AIFM3: variants seen among roughly 807,000 people sequenced by gnomAD.
AIFM3 encodes the protein AIF family member 3, also known as apoptosis-inducing factor 3.
A neutral mutation model predicts 82.7 loss-of-function variants in AIFM3; 71 were observed. The observed-to-expected ratio is 0.86, with a 90% confidence interval of 0.71 to 1.05. The LOEUF (loss-of-function observed/expected upper bound fraction) is 1.05, where lower values mean the gene tolerates loss of function less well. Among genes scored for constraint, AIFM3 ranks in the 50% least tolerant of loss-of-function variants. AIFM3 has a pLI of 0.00. For missense variants in AIFM3, 748 were observed against 816.7 expected, an observed-to-expected ratio of 0.92 and a Z score of 1.03; for synonymous variants, 337 against 329.1, an observed-to-expected ratio of 1.02 and a Z score of -0.26.
intron 20 of AIFM3, 66 bp downstream of exon 20, chr22:20,980,833 T>C (rs553121205): frequency 6.2e-7 from 1 of 1,606,236 alleles, no homozygotes; most frequent in Non-Finnish European, 8.5e-7. Context: ...CTCCACCCAA[T>C]GGTCTTATCT....
Position 20,976,223 on chromosome 22 carries a change from A to T in AIFM3, c.816A>T (p.Thr272=). The part of the protein sequence containing the change: ...IEVLTEAQVV[T]VDVRTKKVVF... ...CCTGGTGGGGATTGCAGGTGGTCAC[A>T]GTGGACGTGAGAACTAAGAAGGTCG... The change falls in exon 10 of 21, where the codon ACA becomes ACT. Residue 272 remains threonine, a synonymous_variant. Transcript: ENST00000440238. The T allele has an allele frequency of 1.2e-6, 2 of 1,613,384 alleles. No individual in the cohort carries two copies. Among genetic ancestry groups the T allele is most frequent in the Non-Finnish European group, 8.5e-7 (1 of 1,179,792 alleles).
At chr22:20,978,746 C>A (rs1923859714) in intron 16 of AIFM3, among the ~76,000 whole-genome samples, 1 of 151,938 alleles carries the variant, frequency 6.6e-6, no homozygotes, top group African/African-American at 2.4e-5. Flanking sequence ...TGTAAGTAAC[C>A]AAGGCAACTT....
At chr22:20,972,187 C>T (rs888729888) in intron 2 of AIFM3, among the ~76,000 whole-genome samples, 11 of 152,192 alleles carry the variant, frequency 7.2e-5, no homozygotes, top group Admixed American at 3.9e-4. Context: ...GGTGGATCAC[C>T]TGAGGTCAGG....
upstream of AIFM3, chr22:20,966,876 G>C (rs1256016548): frequency 6.6e-6 from 1 of 152,642 alleles, no homozygotes; most frequent in African/African-American, 2.4e-5. Context: ...GAGGCCACAG[G>C]GATGCCCCTG....
At chr22:20,967,347 G>A (rs1922954926) in intron 1 of AIFM3, 44 bp downstream of exon 1, 1 of 153,396 alleles carries the variant, frequency 6.5e-6, no homozygotes, top group Non-Finnish European at 1.5e-5. Context: ...GGGCTAGGGG[G>A]AGCCTGATGT....
rs569481399 is a variant in AIFM3, at chr22:20,979,290, C to A, written c.1497C>A (p.Asn499Lys). 3.2e-6 allele frequency: 5 copies of A among 1,558,520 alleles called. No homozygotes were observed. Among genetic ancestry groups the A allele is most frequent in the Non-Finnish European group, 4.3e-6 (5 of 1,150,732 alleles). Residue 499 changes from asparagine (N) to lysine (K), a missense_variant, in exon 17 of 21, where the codon AAC (asparagine) becomes AAA (lysine). This residue lies in a region of AIFM3 where 183 missense variants were observed against 158.2 expected (regional missense o/e 1.16). Transcript: ENST00000440238. ...CCGCAGGGCGCGTGGCAGCCCAGAA[C>A]ATGTTGGCGCAGGAGGCGGAGATGA... ...AHAQGRVAAQ[N>K]MLAQEAEMST...
chr22:20,977,557 A>C (rs764712590), intron 14 of AIFM3, 143 bp from the exon 15 acceptor site: 4 of 946,912 alleles, frequency 4.2e-6, no homozygotes, highest in Non-Finnish European at 6.6e-6. Flanking sequence ...GGTAGTGGGG[A>C]CCAGGGTGCA....
intron 16 of AIFM3, among the ~76,000 whole-genome samples, chr22:20,978,953 G>A (rs1299598247): frequency 6.6e-6 from 1 of 151,992 alleles, no homozygotes; most frequent in African/African-American, 2.4e-5. Flanking sequence ...GACCTGATAC[G>A]TCTGATTAGG....
chr22:20,979,659 C>G lies in AIFM3; in HGVS notation c.1609C>G (p.Gln537Glu). Reference protein sequence around the residue: ...YGEGFDDVIIQGDLEELKFVA... With the variant: ...YGEGFDDVIIEGDLEELKFVA... Reference sequence around the variant, plus strand: ...AGAAGGCTTCGACGACGTCATCATCCAGGGGGATCTGGAGGAGCTGAAGTT... The same window carrying G: ...AGAAGGCTTCGACGACGTCATCATCGAGGGGGATCTGGAGGAGCTGAAGTT... The change falls in exon 18 of 21, where the codon CAG (glutamine) becomes GAG (glutamate). Residue 537 changes from glutamine (Q) to glutamate (E), a missense_variant. Physicochemically the swap from Gln to Glu is conservative, Grantham distance 29 (BLOSUM62 2). This residue lies in a region of AIFM3 where 183 missense variants were observed against 158.2 expected (regional missense o/e 1.16). Transcript: ENST00000440238. The G allele has an allele frequency of 6.2e-7, 1 of 1,614,236 alleles. No individual in the cohort carries two copies. The highest frequency in any genetic ancestry group is 2.2e-5 in the East Asian group (1 of 44,888).
Position 20,967,953 on chromosome 22 carries a change from C to T in AIFM3, c.9C>T (p.Gly3=), listed in dbSNP as rs1433593998. 6.2e-7 allele frequency: 1 copy of T among 1,614,010 alleles called. No individual in the cohort carries two copies. The highest frequency in any genetic ancestry group is 2.2e-5 in the East Asian group (1 of 44,884). Residue 3 remains glycine (G), a synonymous_variant, in exon 2 of 21, where the codon GGC becomes GGT. Transcript: ENST00000440238. The part of the protein sequence containing the change: MG[G]CFSKPKPVEL... ...TCCTCAGGCCACTCGCCATGGGCGGCTGCTTCTCCAAACCCAAACCAGGTA... is the reference window on the plus strand; with the variant it reads ...TCCTCAGGCCACTCGCCATGGGCGGTTGCTTCTCCAAACCCAAACCAGGTA...
rs1240998356 is a variant in AIFM3, at chr22:20,967,309, T to C, written c.-141+6T>C. On this transcript the variant is annotated splice_donor_region_variant and intron_variant, in intron 1 of 20. Coordinates refer to ENST00000440238, the MANE Select transcript of AIFM3 (RefSeq NM_001386814.1). ...AGTGGCTGCCCTGCGAGGAGGTGGG[T>C]GTCCGGAGTGCTAGCCAGGGTGGGG... 1 of 152,136 alleles carries C rather than the reference T, an allele frequency of 6.6e-6. No homozygotes were observed. Among genetic ancestry groups the C allele is most frequent in the Non-Finnish European group, 1.5e-5 (1 of 68,228 alleles). 9.4% of individuals were successfully genotyped at this position (152,136 alleles called of 1,614,324 possible).
At chr22:20,979,898 G>A (rs1195472042) in intron 18 of AIFM3, 122 bp from the exon 19 acceptor site, 1 of 1,138,768 alleles carries the variant, frequency 8.8e-7, no homozygotes, top group African/African-American at 1.5e-5. Context: ...GGGTGCTCAG[G>A]CCATTCTTGT....
intron 19 of AIFM3, 175 bp from the exon 20 acceptor site, chr22:20,980,572 A>T: frequency 1.3e-6 from 1 of 762,872 alleles, no homozygotes; most frequent in Non-Finnish European, 2.3e-6. Flanking sequence ...TGTCAATGAG[A>T]TTCACCCTCT....
At chr22:20,975,951 A>G (rs1923619559) in intron 9 of AIFM3, among the ~76,000 whole-genome samples, 173 bp downstream of exon 9, 1 of 152,224 alleles carries the variant, frequency 6.6e-6, no homozygotes. Flanking sequence ...GATGGGTCAT[A>G]GGCACACACA....
At chr22:20,978,737 G>T (rs1211425976) in intron 16 of AIFM3, among the ~76,000 whole-genome samples, 2 of 152,008 alleles carry the variant, frequency 1.3e-5, no homozygotes, top group Admixed American at 1.3e-4. Context: ...TTGCTAGGTT[G>T]TAAGTAACCA....
chr22:20,976,067 A>G lies in AIFM3; in HGVS notation c.808-148A>G. 3.3e-6 allele frequency: 3 copies of G among 897,212 alleles called. No homozygotes were observed. In the South Asian group the frequency reaches 4.8e-5, roughly 14 times the overall value. The allele number at this position is 897,212 out of a possible 1,614,324, so 55.6% of individuals were successfully genotyped here. A position where few individuals can be genotyped will look rare whatever the true frequency, so the allele number is the denominator to read the frequency against. On this transcript the variant is annotated intron_variant, in intron 9 of 20. Coordinates refer to ENST00000440238, the MANE Select transcript of AIFM3 (RefSeq NM_001386814.1). ...GAGGGGAAGGTGATGTCTGAAGCGT[A>G]AAGAATGAAGCCCAGGTGGCAGGAT... is the stretch of plus-strand genomic sequence containing the variant.
At chr22:20,974,891 C>T (rs988701054) in intron 8 of AIFM3, 75 bp downstream of exon 8, 1 of 1,488,884 alleles carries the variant, frequency 6.7e-7, no homozygotes. Context: ...TTGCTTGTCA[C>T]CCCATTGGGG....
rs150768856 is a variant in AIFM3, at chr22:20,980,038, C to A, written c.1671C>A (p.Ala557=). 1 of 1,611,182 alleles carries A rather than the reference C, an allele frequency of 6.2e-7. No individual in the cohort carries two copies. Among genetic ancestry groups the A allele is most frequent in the Non-Finnish European group, 8.5e-7 (1 of 1,179,922 alleles). The change falls in exon 19 of 21, where the codon GCC becomes GCA. Residue 557 remains alanine (A), a synonymous_variant. Coordinates refer to ENST00000440238, the MANE Select transcript of AIFM3 (RefSeq NM_001386814.1). ...AFYTKGDEVI[A]VASMNYDPIV... is the part of the protein sequence containing the mutation. ...CTTGCAGAGGCGACGAGGTGATCGCCGTGGCCAGCATGAACTACGATCCCA... is the reference window on the plus strand; with the variant it reads ...CTTGCAGAGGCGACGAGGTGATCGCAGTGGCCAGCATGAACTACGATCCCA...
chr22:20,976,050 G>A (rs914040544), intron 9 of AIFM3, among the ~76,000 whole-genome samples, 165 bp from the exon 10 acceptor site: 1 of 152,252 alleles, frequency 6.6e-6, no homozygotes, highest in Admixed American at 6.5e-5. Flanking sequence ...TTGAGGGGAA[G>A]GTGATGTCTG....
Sources: gnomAD v4.1 joint callset for allele counts (sites outside exome capture counted in the v4.1 genomes callset) on GRCh38, gnomAD v4.1.1 for gene constraint, gnomAD v4.1.1 regional missense constraint, MANE v1.5 for transcripts, NCBI Gene and HGNC (gene_info 2026-07-23, HGNC 2026-07-21) for gene names.